SNTG1: variants seen among roughly 807,000 people sequenced by gnomAD.
SNTG1 encodes syntrophin gamma 1.
In SNTG1, 39 loss-of-function variants were observed where a neutral mutation model predicts 74.7. That is an observed-to-expected ratio of 0.52 (90% CI 0.40 to 0.68). SNTG1 has a LOEUF of 0.68. SNTG1 is among the 30% of genes least tolerant of loss of function. The probability of loss-of-function intolerance (pLI) is 0.00; values close to 1 mark genes in which losing one functional copy is unlikely to be tolerated. For missense variants in SNTG1, 685 were observed against 609.5 expected (o/e 1.12, Z -1.30); for synonymous variants, 254 against 217.1 (o/e 1.17, Z -1.49).
chr8:50,211,328 C>T (rs1185617264), intron 2 of SNTG1, among the ~76,000 whole-genome samples: 1 of 152,004 alleles, frequency 6.6e-6, no homozygotes, highest in African/African-American at 2.4e-5. Flanking sequence ...TATTATCTGG[C>T]TTTTGAAGTG....
chr8:50,726,448 G>C (rs2095500358), intron 17 of SNTG1, among the ~76,000 whole-genome samples: 1 of 152,104 alleles, frequency 6.6e-6, no homozygotes, highest in Non-Finnish European at 1.5e-5. Flanking sequence ...AGGCAGAGTG[G>C]GCAACAGGCA....
intron 2 of SNTG1, chr8:50,381,219 T>G (rs2092473586): frequency 6.6e-6 from 1 of 152,148 alleles, no homozygotes; most frequent in Admixed American, 6.6e-5. Context: ...TAGGGGCTTT[T>G]TTTTTGCCCC....
chr8:50,767,287 C>G (rs2095616096), intron 18 of SNTG1, among the ~76,000 whole-genome samples: 2 of 152,022 alleles, frequency 1.3e-5, no homozygotes, highest in Admixed American at 6.6e-5. Context: ...ATTAAACATT[C>G]CAAATAGTGC....
intron 8 of SNTG1, among the ~76,000 whole-genome samples, chr8:50,475,973 C>A (rs986475220): frequency 6.6e-6 from 1 of 152,188 alleles, no homozygotes; most frequent in Non-Finnish European, 1.5e-5. Flanking sequence ...ACATTGTGCA[C>A]TGCTCTGAGT....
chr8:49,974,456 A>C (rs1394333436), intron 1 of SNTG1, among the ~76,000 whole-genome samples: 1 of 152,216 alleles, frequency 6.6e-6, no homozygotes. Flanking sequence ...CATAGTTAAC[A>C]TATGATGAAA....
At chr8:50,421,971 A>C (rs1245464605) in intron 4 of SNTG1, among the ~76,000 whole-genome samples, 3 of 152,166 alleles carry the variant, frequency 2.0e-5, no homozygotes, top group Non-Finnish European at 4.4e-5. Flanking sequence ...TTGACTCTCA[A>C]AGTGGCCTTG....
chr8:50,170,501 G>A (rs1256931389), intron 1 of SNTG1, among the ~76,000 whole-genome samples: 1 of 152,084 alleles, frequency 6.6e-6, no homozygotes, highest in Non-Finnish European at 1.5e-5. Flanking sequence ...TCACATGTAT[G>A]ACATATGTGG....
At chr8:50,174,216 T>C (rs915891521) in intron 2 of SNTG1, among the ~76,000 whole-genome samples, 116 of 152,348 alleles carry the variant, frequency 7.6e-4, no homozygotes, top group African/African-American at 2.7e-3. Context: ...ATGTACCACA[T>C]TTTCTTTATG....
intron 2 of SNTG1, among the ~76,000 whole-genome samples, chr8:50,391,146 G>A (rs2092653306): frequency 6.6e-6 from 1 of 152,104 alleles, no homozygotes; most frequent in Non-Finnish European, 1.5e-5. Flanking sequence ...CCTGTCTTGT[G>A]CCAGTTTTCA....
intron 1 of SNTG1, among the ~76,000 whole-genome samples, chr8:50,085,800 C>G (rs564219770): frequency 2.6e-5 from 4 of 152,320 alleles, no homozygotes; most frequent in South Asian, 4.1e-4. Flanking sequence ...CACAATTTCT[C>G]TCATCCATGG....
At chr8:50,526,633 A>G (rs2094222005) in intron 9 of SNTG1, among the ~76,000 whole-genome samples, 1 of 106,358 alleles carries the variant, frequency 9.4e-6, no homozygotes, top group South Asian at 3.6e-4. Flanking sequence ...ATACACAAAC[A>G]CATATATACA....
intron 2 of SNTG1, among the ~76,000 whole-genome samples, chr8:50,196,173 G>T (rs2083761811): frequency 6.6e-6 from 1 of 152,260 alleles, no homozygotes; most frequent in South Asian, 2.1e-4. Context: ...TTCTCTATCT[G>T]AGTTGACCAG....
chr8:50,777,152 G>A (rs1039889821), intron 18 of SNTG1, among the ~76,000 whole-genome samples: 5 of 149,870 alleles, frequency 3.3e-5, no homozygotes, highest in South Asian at 2.1e-4. Flanking sequence ...TCGCTATTAC[G>A]TCTTTCAATA....
chr8:50,272,168 T>TTA (rs1359891052), intron 2 of SNTG1, among the ~76,000 whole-genome samples: 3 of 152,172 alleles, frequency 2.0e-5, no homozygotes, highest in South Asian at 2.1e-4. Context: ...AAACATTTAG[T>TTA]TATATATATC....
intron 1 of SNTG1, chr8:50,164,253 G>A (rs2082533769): frequency 6.6e-6 from 1 of 152,074 alleles, no homozygotes; most frequent in African/African-American, 2.4e-5. Context: ...CTATTCAGAT[G>A]CTTTGCCATG....
chr8:50,491,062 C>A (rs536263049), intron 8 of SNTG1: 2 of 153,008 alleles, frequency 1.3e-5, no homozygotes, highest in East Asian at 3.9e-4. Context: ...AGCGACCTCA[C>A]AGATGGAACA....
At chr8:50,040,167 C>T (rs1818514754) in intron 1 of SNTG1, among the ~76,000 whole-genome samples, 1 of 152,120 alleles carries the variant, frequency 6.6e-6, no homozygotes, top group Non-Finnish European at 1.5e-5. Flanking sequence ...GCTGCTCTGG[C>T]GGTCGCTGGT....
In SNTG1 at chr8:50,120,440, C is replaced by T. The variant is rs1208220319; in HGVS notation, c.-102-52121C>T. Among the ~76,000 whole-genome samples the T allele has an allele frequency of 2.1e-5, 3 of 139,942 alleles. 1 individual carries two copies. The Admixed American group carries it at 2.2e-4, about 10-fold the overall frequency. The allele number at this position is 139,942 out of a possible 152,430, so 91.8% of individuals were successfully genotyped here. On this transcript the variant is annotated intron_variant, in intron 1 of 18. Coordinates refer to ENST00000642720, the MANE Select transcript of SNTG1 (RefSeq NM_018967.5). ...CCTACTAGTACTACTACTACCACCA[C>T]CACCCTACTGAAACTATTAACTATT...
At chr8:50,673,467 G>T (rs916682487) in intron 15 of SNTG1, among the ~76,000 whole-genome samples, 1 of 151,916 alleles carries the variant, frequency 6.6e-6, no homozygotes, top group Non-Finnish European at 1.5e-5. Flanking sequence ...TCATGATTTG[G>T]CTCTCTGCTT....
Sources: gnomAD v4.1 joint callset for allele counts (sites outside exome capture counted in the v4.1 genomes callset) on GRCh38, gnomAD v4.1.1 for gene constraint, MANE v1.5 for transcripts, NCBI Gene and HGNC (gene_info 2026-07-23, HGNC 2026-07-21) for gene names.